PRKN: variants seen among roughly 807,000 people sequenced by gnomAD.
PRKN encodes parkin RBR E3 ubiquitin protein ligase.
A neutral mutation model predicts 59.5 loss-of-function variants in PRKN; 56 were observed. That is an observed-to-expected ratio of 0.94 (90% CI 0.76 to 1.18). The LOEUF (loss-of-function observed/expected upper bound fraction) is 1.18, where lower values mean the gene tolerates loss of function less well. Ranked by LOEUF, PRKN falls within the 50% of genes most tolerant of loss-of-function variation. The probability of loss-of-function intolerance (pLI) is 0.00; values close to 1 mark genes in which losing one functional copy is unlikely to be tolerated. For synonymous variants in PRKN, 250 were observed against 222.1 expected (o/e 1.13, Z -1.12); for missense variants, 657 against 596.4 (o/e 1.10, Z -1.06).
At chr6:161,415,614 C>T (rs1266991002) in intron 9 of PRKN, among the ~76,000 whole-genome samples, 2 of 139,478 alleles carry the variant, frequency 1.4e-5, no homozygotes, top group East Asian at 5.1e-4. Flanking sequence ...CCCCGACCCC[C>T]CGCCAGCCCC....
rs79519427 is a variant in PRKN, at chr6:161,727,182, C to T, written c.871+58590G>A. 2.3e-3 allele frequency among the ~76,000 whole-genome samples: 346 copies of T among 152,272 alleles called. 1 individual carries two copies. The highest frequency in any genetic ancestry group is 7.9e-3 in the African/African-American group (329 of 41,554). On this transcript the variant is annotated intron_variant, in intron 7 of 11. Coordinates refer to ENST00000366898, the MANE Select transcript of PRKN (RefSeq NM_004562.3). ...GCTGTCGTTTCTTCACAATGGGAGT[C>T]CTATTTTCTTGTCCTGGACAAAGGC...
intron 1 of PRKN, among the ~76,000 whole-genome samples, chr6:162,666,380 G>A (rs899634000): frequency 2.2e-5 from 3 of 137,500 alleles, no homozygotes; most frequent in African/African-American, 3.1e-5. Context: ...GAAAACAGAT[G>A]TGAACTAAAA....
chr6:162,123,167 T>C (rs1780987433), intron 4 of PRKN, among the ~76,000 whole-genome samples: 1 of 152,074 alleles, frequency 6.6e-6, no homozygotes, highest in Non-Finnish European at 1.5e-5. Context: ...GGGAGAGAAA[T>C]GGATCTCATT....
At chr6:162,457,036 A>G (rs1022215384) in intron 1 of PRKN, among the ~76,000 whole-genome samples, 3 of 152,216 alleles carry the variant, frequency 2.0e-5, no homozygotes, top group Non-Finnish European at 4.4e-5. Flanking sequence ...AAGTTGAAAC[A>G]AGAAAGCAGA....
chr6:162,529,934 A>G (rs1778441497), intron 1 of PRKN, among the ~76,000 whole-genome samples: 1 of 152,128 alleles, frequency 6.6e-6, no homozygotes, highest in Non-Finnish European at 1.5e-5. Context: ...GTTCAAGACC[A>G]TCCTTACCAA....
rs531303106 is a variant in PRKN at position 162,227,100 on chromosome 6, A to C, written c.413-25848T>G. 7.2e-5 allele frequency among the ~76,000 whole-genome samples: 11 copies of C among 152,270 alleles called. No homozygotes were observed. In the East Asian group the frequency reaches 2.1e-3, roughly 29 times the overall value. On this transcript the variant is annotated intron_variant, in intron 3 of 11. Coordinates refer to ENST00000366898, the MANE Select transcript of PRKN (RefSeq NM_004562.3). ...TAACCAGTGTATATATCTACATTTA[A>C]CTTTACGTAACTATCCTAGTATACG...
At position 161,741,697 on chromosome 6, in the gene PRKN, AT is replaced by A. The variant is rs538930704; in HGVS notation, c.871+44074del. ...GATCCTCTGTTGAATACACAAGCAG[AT>A]TGATTGCATTCAACCTCTTTGTCTC... On this transcript the variant is annotated intron_variant, in intron 7 of 11. Transcript: ENST00000366898. 4.9e-3 allele frequency among the ~76,000 whole-genome samples: 750 copies of A among 152,044 alleles called. 2 individuals carry two copies. Among genetic ancestry groups the A allele is most frequent in the Non-Finnish European group, 9.1e-3 (620 of 68,000 alleles).
chr6:161,616,065 C>A (rs1176438853), intron 7 of PRKN, among the ~76,000 whole-genome samples: 2 of 152,162 alleles, frequency 1.3e-5, no homozygotes, highest in Non-Finnish European at 2.9e-5. Context: ...CTAGCTACCA[C>A]CCCTTGCTGC....
intron 6 of PRKN, among the ~76,000 whole-genome samples, chr6:161,968,742 T>C (rs1780683389): frequency 6.6e-6 from 1 of 152,160 alleles, no homozygotes; most frequent in South Asian, 2.1e-4. Context: ...AAGTCTGTAA[T>C]TATGAATTTG....
chr6:162,501,903 ACTTGT>A (rs112040050), intron 1 of PRKN, among the ~76,000 whole-genome samples: 24,412 of 152,014 alleles, frequency 0.16, 2,098 homozygotes, highest in Non-Finnish European at 0.18. Context: ...TTCAGGCTCC[ACTTGT>A]CTGGAGAAGG....
chr6:162,443,708 T>C (rs1047586898), intron 1 of PRKN, among the ~76,000 whole-genome samples: 2 of 152,114 alleles, frequency 1.3e-5, no homozygotes, highest in South Asian at 2.1e-4. Context: ...CAAACCAAAA[T>C]TGCATTCTCC....
chr6:162,432,007 T>C (rs1012346984), intron 2 of PRKN, among the ~76,000 whole-genome samples: 2 of 152,194 alleles, frequency 1.3e-5, no homozygotes, highest in African/African-American at 4.8e-5. Flanking sequence ...TCATAACTGA[T>C]TAAGTCTATT....
chr6:162,674,243 A>T (rs2849536), intron 1 of PRKN, among the ~76,000 whole-genome samples: 95,296 of 152,050 alleles, frequency 0.63, 30,615 homozygotes, highest in African/African-American at 0.75. Flanking sequence ...AGCCCCACCA[A>T]TGTCTTCAAA....
chr6:162,463,828 C>T (rs993257112), intron 1 of PRKN, among the ~76,000 whole-genome samples: 2 of 152,170 alleles, frequency 1.3e-5, no homozygotes, highest in African/African-American at 4.8e-5. Context: ...GAGCAGCCTG[C>T]AAGAGGGATA....
intron 7 of PRKN, among the ~76,000 whole-genome samples, chr6:161,779,145 G>A (rs892911730): frequency 3.3e-5 from 5 of 151,966 alleles, no homozygotes; most frequent in African/African-American, 1.2e-4. Flanking sequence ...TCACCACGTT[G>A]GCCAGGCTGG....
intron 3 of PRKN, among the ~76,000 whole-genome samples, chr6:162,207,587 G>A (rs1050435655): frequency 2.6e-5 from 4 of 152,124 alleles, no homozygotes; most frequent in African/African-American, 4.8e-5. Context: ...GCATGGCCCC[G>A]TGTCTGCCCA....
At chr6:161,934,860 GTTT>G (rs893881654) in intron 6 of PRKN, among the ~76,000 whole-genome samples, 1 of 151,978 alleles carries the variant, frequency 6.6e-6, no homozygotes, top group African/African-American at 2.4e-5. Flanking sequence ...GTTTCAGGAT[GTTT>G]TTTTCTCCCT....
At chr6:162,623,734 G>C (rs902934943) in intron 1 of PRKN, among the ~76,000 whole-genome samples, 7 of 151,874 alleles carry the variant, frequency 4.6e-5, no homozygotes, top group Admixed American at 3.3e-4. Context: ...ATCTAGTAAG[G>C]CCCTCTCTAT....
At chr6:162,726,813 C>A (rs1779227444) in intron 1 of PRKN, among the ~76,000 whole-genome samples, 1 of 152,126 alleles carries the variant, frequency 6.6e-6, no homozygotes, top group Non-Finnish European at 1.5e-5. Flanking sequence ...TAATGAAACC[C>A]CATCTAGCAC....
Sources: gnomAD v4.1 joint callset for allele counts (sites outside exome capture counted in the v4.1 genomes callset) on GRCh38, gnomAD v4.1.1 for gene constraint, MANE v1.5 for transcripts, NCBI Gene and HGNC (gene_info 2026-07-23, HGNC 2026-07-21) for gene names.